CNBD1: variants seen among roughly 807,000 people sequenced by gnomAD.
CNBD1 encodes cyclic nucleotide binding domain containing 1.
In CNBD1, 71 loss-of-function variants were observed where a neutral mutation model predicts 54.4. The ratio of observed to expected loss-of-function variants is 1.30; its 90% CI spans 1.08 to 1.59. The LOEUF (loss-of-function observed/expected upper bound fraction) is 1.59. Ranked by LOEUF, CNBD1 falls within the 40% of genes most tolerant of loss-of-function variation. The pLI is 0.00. For missense variants in CNBD1, 659 were observed against 518.0 expected, an observed-to-expected ratio of 1.27 and a Z score of -2.64; for synonymous variants, 182 against 170.7, an observed-to-expected ratio of 1.07 and a Z score of -0.51.
intron 8 of CNBD1, among the ~76,000 whole-genome samples, chr8:87,329,607 A>G (rs1336710848): frequency 6.6e-6 from 1 of 152,054 alleles, no homozygotes; most frequent in Non-Finnish European, 1.5e-5. Flanking sequence ...ATTCATACAG[A>G]AATACATTTT....
intron 2 of CNBD1, among the ~76,000 whole-genome samples, chr8:86,896,322 A>G (rs1270801491): frequency 6.6e-6 from 1 of 152,158 alleles, no homozygotes; most frequent in Non-Finnish European, 1.5e-5. Context: ...TACCAATGGC[A>G]TTCTTCACAG....
chr8:86,970,750 C>G (rs1341629522), intron 4 of CNBD1, among the ~76,000 whole-genome samples: 1 of 152,114 alleles, frequency 6.6e-6, no homozygotes, highest in Non-Finnish European at 1.5e-5. Context: ...AATTTATGAC[C>G]TCCAGCTGCA....
chr8:87,257,489 C>A (rs146215252), intron 6 of CNBD1, among the ~76,000 whole-genome samples: 3 of 151,644 alleles, frequency 2.0e-5, no homozygotes, highest in African/African-American at 7.3e-5. Context: ...TATGGAACCA[C>A]ACATTGGTTT....
At chr8:87,263,652 A>C (rs1453237838) in intron 6 of CNBD1, among the ~76,000 whole-genome samples, 1 of 152,192 alleles carries the variant, frequency 6.6e-6, no homozygotes, top group African/African-American at 2.4e-5. Context: ...ACCAAAAATT[A>C]TTTAGAGCAG....
intron 6 of CNBD1, among the ~76,000 whole-genome samples, chr8:87,265,275 T>C (rs1808229480): frequency 1.3e-5 from 2 of 152,098 alleles, no homozygotes; most frequent in Admixed American, 6.6e-5. Context: ...CCCCATTGCT[T>C]GTTTTTCTCA....
downstream of CNBD1, among the ~76,000 whole-genome samples, chr8:87,385,841 G>A (rs192828041): frequency 0.012 from 1,827 of 152,240 alleles, 38 homozygotes; most frequent in African/African-American, 0.039. Context: ...CCTGACCCCC[G>A]AGTAGCCTAA....
At chr8:87,222,965 C>A (rs1563512810) in intron 5 of CNBD1, among the ~76,000 whole-genome samples, 1 of 151,336 alleles carries the variant, frequency 6.6e-6, no homozygotes, top group African/African-American at 2.4e-5. Context: ...TCCTAACCAA[C>A]TTGATTTTGA....
intron 5 of CNBD1, among the ~76,000 whole-genome samples, chr8:87,219,972 A>C (rs968924703): frequency 6.6e-6 from 1 of 152,044 alleles, no homozygotes. Flanking sequence ...TAGGCAATAA[A>C]AAAGTTTAAT....
chr8:87,421,418 TC>T (rs1298029692), intron 2 of CNBD1, among the ~76,000 whole-genome samples: 12 of 62,664 alleles, frequency 1.9e-4, no homozygotes, highest in South Asian at 1.4e-3. Context: ...ATGCTCTCCC[TC>T]CCCCCCTCCC....
chr8:87,012,472 C>T (rs1809244159), intron 4 of CNBD1, among the ~76,000 whole-genome samples: 1 of 152,118 alleles, frequency 6.6e-6, no homozygotes, highest in Admixed American at 6.5e-5. Flanking sequence ...TATTTCCTTA[C>T]CATACCTTAA....
intron 5 of CNBD1, among the ~76,000 whole-genome samples, chr8:87,229,200 C>T (rs567188506): frequency 6.6e-6 from 1 of 152,216 alleles, no homozygotes; most frequent in Non-Finnish European, 1.5e-5. Context: ...ATGCAGAAAT[C>T]ACCCGTCTTC....
chr8:87,002,215 C>A (rs2130546504), intron 4 of CNBD1, among the ~76,000 whole-genome samples: 1 of 152,268 alleles, frequency 6.6e-6, no homozygotes, highest in South Asian at 2.1e-4. Flanking sequence ...CTTCTTTTTA[C>A]CTCCACTGAC....
intron 8 of CNBD1, among the ~76,000 whole-genome samples, chr8:87,341,466 A>G (rs1586029628): frequency 6.6e-6 from 1 of 152,204 alleles, no homozygotes. Flanking sequence ...GGGTAGAAAC[A>G]CTATGACAAG....
chr8:87,220,144 A>G (rs896333509), intron 5 of CNBD1, among the ~76,000 whole-genome samples: 4 of 152,068 alleles, frequency 2.6e-5, no homozygotes, highest in Admixed American at 2.6e-4. Context: ...GCAATCGCCA[A>G]TAATATTTAA....
intron 4 of CNBD1, among the ~76,000 whole-genome samples, chr8:87,186,462 A>G (rs1184983389): frequency 3.9e-5 from 6 of 152,228 alleles, no homozygotes; most frequent in Admixed American, 1.3e-4. Flanking sequence ...CCCTATTCCT[A>G]GTTATTATCC....
chr8:87,210,019 T>C (rs1055685586), intron 5 of CNBD1, among the ~76,000 whole-genome samples: 3 of 152,176 alleles, frequency 2.0e-5, no homozygotes, highest in African/African-American at 7.2e-5. Context: ...TAAGGTGCTC[T>C]TCCCACTTTA....
At chr8:87,138,308 C>G (rs1374914383) in intron 4 of CNBD1, among the ~76,000 whole-genome samples, 2 of 152,166 alleles carry the variant, frequency 1.3e-5, no homozygotes, top group African/African-American at 2.4e-5. Context: ...CACAAGAATT[C>G]AGGAATGTGG....
chr8:87,398,691 G>A (rs1447093429), intron 2 of CNBD1, among the ~76,000 whole-genome samples: 6 of 151,974 alleles, frequency 3.9e-5, no homozygotes, highest in Non-Finnish European at 4.4e-5. Context: ...GGCCTATATG[G>A]TTGGATATAA....
At chr8:87,253,725 A>T (rs1369832366) in intron 6 of CNBD1, among the ~76,000 whole-genome samples, 1 of 152,186 alleles carries the variant, frequency 6.6e-6, no homozygotes, top group East Asian at 1.9e-4. Flanking sequence ...ACCAACAGAA[A>T]TGAGCATTTA....
Sources: gnomAD v4.1 joint callset for allele counts (sites outside exome capture counted in the v4.1 genomes callset) on GRCh38, gnomAD v4.1.1 for gene constraint, MANE v1.5 for transcripts, NCBI Gene and HGNC (gene_info 2026-07-23, HGNC 2026-07-21) for gene names.